Variants in WBP2NL observed in about 807,000 individuals in gnomAD.
The protein encoded by WBP2NL is WBP2 N-terminal like.
Under a neutral mutation model 23.3 loss-of-function variants are expected in WBP2NL, and 27 were observed. The observed-to-expected ratio is 1.16, with a 90% CI of 0.85 to 1.60. The LOEUF (loss-of-function observed/expected upper bound fraction) is 1.60, where lower values mean the gene tolerates loss of function less well. Among genes scored for constraint, WBP2NL ranks in the 40% most tolerant of loss-of-function variants. WBP2NL has a pLI of 0.00. For synonymous variants in WBP2NL, 151 were observed against 145.9 expected, an observed-to-expected ratio of 1.03 and a Z score of -0.25; for missense variants, 370 against 389.5, an observed-to-expected ratio of 0.95 and a Z score of 0.42.
chr22:42,048,742 C>G (rs1159245837), intron 8 of WBP2NL, among the ~76,000 whole-genome samples: 1 of 138,266 alleles, frequency 7.2e-6, no homozygotes, highest in Admixed American at 8.3e-5. Flanking sequence ...GGCGACAGAG[C>G]GAGACTCGGT....
downstream of WBP2NL, among the ~76,000 whole-genome samples, chr22:42,029,394 CAG>C (rs1924783592): frequency 1.4e-5 from 2 of 147,504 alleles, no homozygotes; most frequent in African/African-American, 2.5e-5. Flanking sequence ...TTTTTTGAGA[CAG>C]AGTCTTGCTT....
At chr22:42,016,679 T>C (rs546487250) in intron 1 of WBP2NL, among the ~76,000 whole-genome samples, 5 of 152,344 alleles carry the variant, frequency 3.3e-5, no homozygotes, top group Admixed American at 6.5e-5. Flanking sequence ...TAGACTGACA[T>C]TTAAAGATTC....
At chr22:42,049,688 TC>T (rs1569455076) in intron 8 of WBP2NL, among the ~76,000 whole-genome samples, 983 of 72,116 alleles carry the variant, frequency 0.014, 83 homozygotes, top group African/African-American at 0.068. Context: ...AGACTCCGTC[TC>T]CAAAACAAAA....
chr22:42,020,217 T>A (rs751260734), intron 4 of WBP2NL, 121 bp downstream of exon 4: 47 of 989,536 alleles, frequency 4.7e-5, no homozygotes, highest in Admixed American at 1.3e-4. Context: ...GATTTTTGTA[T>A]TTTTGTAAGT....
intron 8 of WBP2NL, among the ~76,000 whole-genome samples, chr22:42,057,863 GTGTA>G (rs1556310018): frequency 1.3e-5 from 1 of 77,480 alleles, no homozygotes; most frequent in East Asian, 3.6e-4. Flanking sequence ...ATATGTGTGT[GTGTA>G]TGTATATATA....
At chr22:42,002,961 G>T (rs948713238) in intron 1 of WBP2NL, 1 of 151,844 alleles carries the variant, frequency 6.6e-6, no homozygotes, top group African/African-American at 2.4e-5. Context: ...AAAATAGTGG[G>T]ACCTCATCTC....
intron 8 of WBP2NL, among the ~76,000 whole-genome samples, chr22:42,047,274 A>G (rs1490509404): frequency 6.7e-6 from 1 of 150,050 alleles, no homozygotes; most frequent in Non-Finnish European, 1.5e-5. Flanking sequence ...AAGCTCAAAA[A>G]AAAAAAAAAA....
intron 8 of WBP2NL, among the ~76,000 whole-genome samples, chr22:42,055,185 A>AT (rs894429568): frequency 2.7e-5 from 4 of 150,362 alleles, no homozygotes; most frequent in African/African-American, 9.8e-5. Flanking sequence ...TGCCCAGCTA[A>AT]TTTTTTTTTG....
In WBP2NL at chr22:42,028,400, A is replaced by G. The variant is rs1309975786; in HGVS notation, c.*1219A>G. ...CAATGAAGTTTGTAGATAATTGCAT[A>G]TGATTCCACACCATTTCAACCAAAA... On this transcript the variant is annotated 3_prime_UTR_variant, in exon 6 of 6. Coordinates refer to ENST00000328823, the MANE Select transcript of WBP2NL (RefSeq NM_152613.3). 1.9e-5 allele frequency: 4 copies of G among 213,672 alleles called. No individual in the cohort carries two copies. The highest frequency in any genetic ancestry group is 9.1e-5 in the African/African-American group (4 of 43,918). 13.2% of individuals were successfully genotyped at this position (213,672 alleles called of 1,614,324 possible).
chr22:42,040,429 G>A (rs534138324), intron 8 of WBP2NL, among the ~76,000 whole-genome samples: 1 of 152,104 alleles, frequency 6.6e-6, no homozygotes, highest in South Asian at 2.1e-4. Context: ...CACCATGTTC[G>A]CCAGGCTAGT....
downstream of WBP2NL, among the ~76,000 whole-genome samples, chr22:42,036,221 T>C (rs1925176212): frequency 6.6e-6 from 1 of 152,144 alleles, no homozygotes; most frequent in Non-Finnish European, 1.5e-5. Flanking sequence ...GTCGCCCAGG[T>C]TGGAGTGCAG....
At chr22:42,004,439 CAA>C (rs1188039567) in intron 1 of WBP2NL, among the ~76,000 whole-genome samples, 1 of 151,844 alleles carries the variant, frequency 6.6e-6, no homozygotes, top group Non-Finnish European at 1.5e-5. Flanking sequence ...ACTAAAAATA[CAA>C]AAAATAGTTG....
intron 1 of WBP2NL, chr22:42,001,758 C>A: frequency 8.3e-7 from 1 of 1,203,570 alleles, no homozygotes; most frequent in Non-Finnish European, 1.2e-6. Context: ...GTTACCGCAC[C>A]AGGACAGGAC....
chr22:42,005,601 GC>G (rs1224155528), intron 1 of WBP2NL, among the ~76,000 whole-genome samples: 3 of 152,302 alleles, frequency 2.0e-5, no homozygotes, highest in Non-Finnish European at 4.4e-5. Context: ...TCTTGTTCAT[GC>G]CCTAATTGAA....
At chr22:42,031,416 C>T (rs906943839), downstream of WBP2NL, 3 of 152,236 alleles carry the variant, frequency 2.0e-5, no homozygotes, top group African/African-American at 7.2e-5. Flanking sequence ...GACTCACTCA[C>T]TGTGCTGGTG....
intron 8 of WBP2NL, among the ~76,000 whole-genome samples, chr22:42,049,374 ACTAAG>A (rs1210044175): frequency 1.3e-5 from 2 of 152,184 alleles, no homozygotes; most frequent in Non-Finnish European, 2.9e-5. Context: ...ATTGTAAAAC[ACTAAG>A]CTATAAAAAT....
At chr22:42,050,466 C>T (rs1474793701) in intron 8 of WBP2NL, among the ~76,000 whole-genome samples, 1 of 151,904 alleles carries the variant, frequency 6.6e-6, no homozygotes, top group Non-Finnish European at 1.5e-5. Context: ...GCCAACATGA[C>T]AAAACCCCGT....
At chr22:42,043,596 G>T (rs916164592) in intron 8 of WBP2NL, among the ~76,000 whole-genome samples, 2 of 152,226 alleles carry the variant, frequency 1.3e-5, no homozygotes, top group Non-Finnish European at 2.9e-5. Context: ...GTAGGCATGT[G>T]CATGGAGGGA....
intron 8 of WBP2NL, among the ~76,000 whole-genome samples, chr22:42,041,808 G>A (rs1233727763): frequency 2.0e-5 from 3 of 152,114 alleles, no homozygotes; most frequent in Non-Finnish European, 4.4e-5. Context: ...CTTTCACATT[G>A]CTGATTAGGA....
Sources: gnomAD v4.1 joint callset for allele counts (sites outside exome capture counted in the v4.1 genomes callset) on GRCh38, gnomAD v4.1.1 for gene constraint, MANE v1.5 for transcripts, NCBI Gene and HGNC (gene_info 2026-07-23, HGNC 2026-07-21) for gene names.